MAGI2: variants seen among roughly 807,000 people sequenced by gnomAD.
MAGI2 encodes membrane associated guanylate kinase, WW and PDZ domain containing 2.
MAGI2 carries 35 observed loss-of-function variants against 133.3 expected under a neutral mutation model. The ratio of observed to expected loss-of-function variants is 0.26; its 90% CI spans 0.20 to 0.35. The LOEUF (loss-of-function observed/expected upper bound fraction) is 0.35. MAGI2 is among the 10% of genes least tolerant of loss of function. MAGI2 has a pLI of 1.00. For missense variants in MAGI2, 1,636 were observed against 1,863.4 expected, an observed-to-expected ratio of 0.88 and a Z score of 2.25; for synonymous variants, 729 against 710.6, an observed-to-expected ratio of 1.03 and a Z score of -0.41.
chr7:78,710,539 T>C (rs1034038995), intron 2 of MAGI2, among the ~76,000 whole-genome samples: 1 of 152,154 alleles, frequency 6.6e-6, no homozygotes, highest in East Asian at 1.9e-4. Context: ...TATCTGTCCA[T>C]GGCACGATAA....
intron 9 of MAGI2, among the ~76,000 whole-genome samples, chr7:78,297,829 TGGGGTGGGGGGAG>T (rs1344873782): frequency 3.2e-4 from 20 of 62,850 alleles, no homozygotes; most frequent in Non-Finnish European, 5.4e-4. Context: ...GGGACTGTTG[TGGGGTGGGGGGAG>T]GGGGAGGGGG....
Position 79,447,768 on chromosome 7 carries a change from T to C in MAGI2, c.301+5252A>G, listed in dbSNP as rs187662925. On this transcript the variant is annotated intron_variant, in intron 1 of 21. Coordinates refer to ENST00000354212, the MANE Select transcript of MAGI2 (RefSeq NM_012301.4). ...TAGTATAGTATAAAATACTATAAAATGCAATACAAATAGCCTTTTAACTTA... is the reference window on the plus strand; with the variant it reads ...TAGTATAGTATAAAATACTATAAAACGCAATACAAATAGCCTTTTAACTTA... Among the ~76,000 whole-genome samples the C allele has an allele frequency of 9.3e-4, 142 of 152,080 alleles. 1 individual carries two copies. Among genetic ancestry groups the C allele is most frequent in the Middle Eastern group, 3.5e-3 (1 of 288 alleles).
chr7:78,534,070 C>G (rs776712741), intron 3 of MAGI2, among the ~76,000 whole-genome samples: 4 of 152,204 alleles, frequency 2.6e-5, no homozygotes, highest in Admixed American at 6.5e-5. Flanking sequence ...TTGCCAGGCA[C>G]AGGTTAACTC....
intron 6 of MAGI2, among the ~76,000 whole-genome samples, chr7:78,428,693 C>T (rs1799511776): frequency 6.6e-6 from 1 of 152,172 alleles, no homozygotes; most frequent in African/African-American, 2.4e-5. Context: ...CATAAAAAGC[C>T]TGACTTGGCC....
intron 3 of MAGI2, among the ~76,000 whole-genome samples, chr7:78,555,176 A>ATGAT (rs1249544929): frequency 3.8e-5 from 5 of 131,028 alleles, no homozygotes; most frequent in African/African-American, 1.3e-4. Context: ...AAATAAATGA[A>ATGAT]TGATAGAGGA....
chr7:78,756,121 T>C (rs779420899), intron 2 of MAGI2, among the ~76,000 whole-genome samples: 37 of 152,194 alleles, frequency 2.4e-4, no homozygotes, highest in African/African-American at 8.2e-4. Context: ...ACAAGATATA[T>C]ATCAGGTGGT....
chr7:79,290,739 C>T (rs894951792), intron 1 of MAGI2, among the ~76,000 whole-genome samples: 4 of 152,048 alleles, frequency 2.6e-5, no homozygotes, highest in African/African-American at 4.8e-5. Flanking sequence ...ACCCTTTGAA[C>T]TCCTACATCC....
At chr7:78,539,265 G>A (rs1388168959) in intron 3 of MAGI2, among the ~76,000 whole-genome samples, 6 of 146,484 alleles carry the variant, frequency 4.1e-5, no homozygotes, top group Admixed American at 2.0e-4. Context: ...CATCTATTGA[G>A]ATGATTTTTG....
At chr7:78,606,303 C>G (rs1472939316) in intron 3 of MAGI2, among the ~76,000 whole-genome samples, 1 of 152,040 alleles carries the variant, frequency 6.6e-6, no homozygotes, top group Admixed American at 6.6e-5. Flanking sequence ...TAGACTGGGT[C>G]AGTTGACTGG....
chr7:78,460,828 G>GC (rs1398481117), intron 6 of MAGI2, among the ~76,000 whole-genome samples: 2 of 152,092 alleles, frequency 1.3e-5, no homozygotes, highest in Non-Finnish European at 2.9e-5. Context: ...CCTGGACACT[G>GC]CCCTATATGT....
intron 3 of MAGI2, among the ~76,000 whole-genome samples, chr7:78,595,035 G>C (rs1440181761): frequency 1.3e-5 from 2 of 152,124 alleles, no homozygotes; most frequent in Non-Finnish European, 2.9e-5. Context: ...AGTTGGTCTG[G>C]CAATATTTTC....
At chr7:78,140,008 G>T (rs373314663) in intron 16 of MAGI2, among the ~76,000 whole-genome samples, 1 of 152,264 alleles carries the variant, frequency 6.6e-6, no homozygotes. Context: ...ATTTGGAAGG[G>T]CTGGATTCTT....
intron 13 of MAGI2, among the ~76,000 whole-genome samples, chr7:78,183,213 A>G (rs77695741): frequency 6.6e-6 from 1 of 152,048 alleles, no homozygotes; most frequent in African/African-American, 2.4e-5. Flanking sequence ...CATTTTATAA[A>G]TGTGACAAAA....
intron 6 of MAGI2, among the ~76,000 whole-genome samples, chr7:78,487,891 T>A (rs1163272095): frequency 6.6e-6 from 1 of 152,086 alleles, no homozygotes; most frequent in Non-Finnish European, 1.5e-5. Flanking sequence ...GCAAGTTCAA[T>A]AGCAATCCAT....
At chr7:78,901,080 T>C (rs1338780979) in intron 2 of MAGI2, among the ~76,000 whole-genome samples, 1 of 152,208 alleles carries the variant, frequency 6.6e-6, no homozygotes, top group African/African-American at 2.4e-5. Flanking sequence ...AGCAGCATTA[T>C]AGGAAACACC....
intron 7 of MAGI2, among the ~76,000 whole-genome samples, chr7:78,355,696 T>C (rs890205300): frequency 9.9e-5 from 15 of 152,222 alleles, no homozygotes; most frequent in Non-Finnish European, 1.2e-4. Context: ...ATTACTTATG[T>C]ATGTACAGAC....
intron 21 of MAGI2, among the ~76,000 whole-genome samples, chr7:78,026,820 C>T (rs147577988): frequency 6.6e-6 from 1 of 152,266 alleles, no homozygotes; most frequent in Non-Finnish European, 1.5e-5. Context: ...GGCATGAACC[C>T]AGGGCCTAAC....
At chr7:78,206,445 C>G (rs961608419) in intron 10 of MAGI2, among the ~76,000 whole-genome samples, 1 of 152,046 alleles carries the variant, frequency 6.6e-6, no homozygotes, top group Admixed American at 6.6e-5. Context: ...GTGTGTGCCA[C>G]CATGCCCAGC....
intron 21 of MAGI2, among the ~76,000 whole-genome samples, chr7:78,070,564 ATATATGTGTG>A (rs1485359139): frequency 1.2e-5 from 1 of 86,644 alleles, no homozygotes; most frequent in Non-Finnish European, 2.5e-5. Context: ...ATATATGTAT[ATATATGTGTG>A]TATATATGTG....
Sources: allele counts gnomAD v4.1 joint callset (sites outside exome capture counted in the v4.1 genomes callset), GRCh38; gene constraint gnomAD v4.1.1; transcripts MANE v1.5; gene names NCBI Gene and HGNC (gene_info 2026-07-23, HGNC 2026-07-21).